Variants in IQCH observed in about 807,000 individuals in gnomAD.
IQCH encodes the protein IQ motif containing H, also known as IQ domain-containing protein H.
IQCH carries 98 observed loss-of-function variants against 117.0 expected under a neutral mutation model. The observed-to-expected ratio is 0.84, with a 90% confidence interval of 0.71 to 0.99. The LOEUF is 0.99. IQCH is among the 50% of genes least tolerant of loss of function. The probability of loss-of-function intolerance (pLI) is 0.00; values close to 1 mark genes in which losing one functional copy is unlikely to be tolerated. For synonymous variants in IQCH, 412 were observed against 448.2 expected (o/e 0.92, Z 1.02); for missense variants, 1,102 against 1,243.8 (o/e 0.89, Z 1.72).
In IQCH at chr15:67,254,875, G is replaced by A. The variant is rs939941137; in HGVS notation, c.-22G>A. The A allele has an allele frequency of 3.1e-6, 5 of 1,612,052 alleles. No homozygotes were observed. Among genetic ancestry groups the A allele is most frequent in the Non-Finnish European group, 3.4e-6 (4 of 1,178,904 alleles). ...GCTTGGAAACCGCGCCTCCGCGGAGGTAGCCGTTCCCTGACCTAGCCATGG... is the reference window on the plus strand; with the variant it reads ...GCTTGGAAACCGCGCCTCCGCGGAGATAGCCGTTCCCTGACCTAGCCATGG... On this transcript the variant is annotated 5_prime_UTR_variant, in exon 1 of 21. Transcript: ENST00000335894.
intron 6 of IQCH, among the ~76,000 whole-genome samples, chr15:67,352,516 A>T (rs1159410401): frequency 6.8e-6 from 1 of 146,696 alleles, no homozygotes; most frequent in Non-Finnish European, 1.5e-5. Context: ...AAACTCTTTC[A>T]ACTTTTATTT....
intron 10 of IQCH, 89 bp downstream of exon 10, chr15:67,373,522 T>C: frequency 1.1e-6 from 1 of 895,884 alleles, no homozygotes; most frequent in South Asian, 1.3e-5. Flanking sequence ...AGGCCCCTTG[T>C]TTTATTCAAA....
intron 6 of IQCH, among the ~76,000 whole-genome samples, chr15:67,349,317 G>A (rs1969545319): frequency 6.6e-6 from 1 of 152,078 alleles, no homozygotes; most frequent in South Asian, 2.1e-4. Flanking sequence ...TTAAGAAAAT[G>A]AAAAGAAAAG....
intron 10 of IQCH, among the ~76,000 whole-genome samples, chr15:67,379,185 T>G (rs1365960836): frequency 6.6e-6 from 1 of 152,196 alleles, no homozygotes; most frequent in African/African-American, 2.4e-5. Flanking sequence ...TTGCAATATG[T>G]TGTTTTGGTT....
In IQCH at chr15:67,490,139, C is replaced by T; in HGVS notation, c.2861+75C>T. 1.0e-6 allele frequency: 1 copy of T among 978,684 alleles called. No homozygotes were observed. Among genetic ancestry groups the T allele is most frequent in the Admixed American group, 1.9e-5 (1 of 51,756 alleles). The allele number at this position is 978,684 out of a possible 1,614,324, so 60.6% of individuals were successfully genotyped here. A position where few individuals can be genotyped will look rare whatever the true frequency, so the allele number is the denominator to read the frequency against. On this transcript the variant is annotated intron_variant, in intron 19 of 20. Coordinates refer to ENST00000335894, the MANE Select transcript of IQCH (RefSeq NM_001031715.3). The surrounding 1 kb of genome is among the most constrained non-coding windows in gnomAD (Gnocchi z 4.9). ...ATCACAACTAACAAGAATGATGCTTCTCATGCATTTTAATCAGCATGCTGA... is the reference window on the plus strand; with the variant it reads ...ATCACAACTAACAAGAATGATGCTTTTCATGCATTTTAATCAGCATGCTGA...
At position 67,417,025 on chromosome 15, in the gene IQCH, A is replaced by C; in HGVS notation, c.2192A>C (p.Lys731Thr). Residue 731 changes from lysine to threonine, a missense_variant, in exon 15 of 21, where the codon AAA becomes ACA. Coordinates refer to ENST00000335894, the MANE Select transcript of IQCH (RefSeq NM_001031715.3). The surrounding 1 kb of genome is among the most constrained non-coding windows in gnomAD (Gnocchi z 4.3). ...VNEKRFPTWR[K>T]FLQTFLSQGG... is the part of the protein sequence containing the mutation. ...GAGAAACGGTTCCCGACGTGGAGGAAATTCCTCCAAACATTTCTCAGTCAA... is the reference window on the plus strand; with the variant it reads ...GAGAAACGGTTCCCGACGTGGAGGACATTCCTCCAAACATTTCTCAGTCAA... 6.2e-7 allele frequency: 1 copy of C among 1,609,570 alleles called. No homozygotes were observed. The highest frequency in any genetic ancestry group is 8.5e-7 in the Non-Finnish European group (1 of 1,177,918).
In IQCH at chr15:67,390,050, C is replaced by T. The variant is rs1174324153; in HGVS notation, c.1632+1044C>T. On this transcript the variant is annotated intron_variant, in intron 12 of 20. Transcript: ENST00000335894. The surrounding 1 kb of genome is among the most constrained non-coding windows in gnomAD (Gnocchi z 5.0). The stretch of plus-strand genomic sequence containing the variant: ...CATAACTGGATGCCTCAGTATTCCC[C>T]TAAAAACCCTCTGCTCAGTTTTGTT... 6.6e-6 allele frequency among the ~76,000 whole-genome samples: 1 copy of T among 152,138 alleles called. No homozygotes were observed. Among genetic ancestry groups the T allele is most frequent in the Non-Finnish European group, 1.5e-5 (1 of 68,018 alleles).
In IQCH at chr15:67,496,152, A is replaced by C. The variant is rs1044421799; in HGVS notation, c.2970+1786A>C. ...GGCAACATGGTGAAACCCCATCTCTACAAAAATTACAAAAATTAGCCAGGT... is the reference window on the plus strand; with the variant it reads ...GGCAACATGGTGAAACCCCATCTCTCCAAAAATTACAAAAATTAGCCAGGT... On this transcript the variant is annotated intron_variant, in intron 20 of 20. Transcript: ENST00000335894. This position sits in a 1 kb window ranked among gnomAD's most constrained non-coding sequence, Gnocchi z 4.4. Among the ~76,000 whole-genome samples the C allele has an allele frequency of 1.3e-5, 2 of 152,116 alleles. No individual in the cohort carries two copies. The highest frequency in any genetic ancestry group is 2.9e-5 in the Non-Finnish European group (2 of 68,020).
At chr15:67,464,040 G>A (rs901559601) in intron 16 of IQCH, among the ~76,000 whole-genome samples, 2 of 152,008 alleles carry the variant, frequency 1.3e-5, no homozygotes, top group Admixed American at 1.3e-4. Flanking sequence ...ATGACATTTC[G>A]CCATGTTGGC....
rs1264790045 is a variant in IQCH at position 67,393,905 on chromosome 15, C to T, written c.1633-1386C>T. Among the ~76,000 whole-genome samples, 1 of 152,074 alleles carries T rather than the reference C, an allele frequency of 6.6e-6. No homozygotes were observed. The highest frequency in any genetic ancestry group is 2.4e-5 in the African/African-American group (1 of 41,400). ...GCTGTGTATTATACTAGGTATTTTA[C>T]ATTTGTGATCTTATTTTAAAAGCCT... On this transcript the variant is annotated intron_variant, in intron 12 of 20. Transcript: ENST00000335894. This position sits in a 1 kb window ranked among gnomAD's most constrained non-coding sequence, Gnocchi z 5.5.
At chr15:67,371,573 T>G (rs559995786) in intron 8 of IQCH, 3 of 1,223,058 alleles carry the variant, frequency 2.5e-6, no homozygotes, top group Non-Finnish European at 3.5e-6. Context: ...AAAAATGACC[T>G]CTGGATATTA....
At chr15:67,380,611 C>A (rs1430831281) in intron 10 of IQCH, among the ~76,000 whole-genome samples, 1 of 152,160 alleles carries the variant, frequency 6.6e-6, no homozygotes, top group South Asian at 2.1e-4. Flanking sequence ...GTGAGTATAT[C>A]ATGTGTCTTC....
intron 16 of IQCH, among the ~76,000 whole-genome samples, chr15:67,455,386 C>T (rs983944225): frequency 1.3e-5 from 2 of 152,156 alleles, no homozygotes; most frequent in East Asian, 1.9e-4. Flanking sequence ...CCTTGTGAGC[C>T]GCATGCCTGG....
At position 67,425,172 on chromosome 15, in the gene IQCH, C is replaced by T. The variant is rs1457677438; in HGVS notation, c.2505+3595C>T. Among the ~76,000 whole-genome samples the T allele has an allele frequency of 6.6e-6, 1 of 152,172 alleles. No homozygotes were observed. The highest frequency in any genetic ancestry group is 1.5e-5 in the Non-Finnish European group (1 of 68,032). ...TTGCCCCAGTTAAATTGGACTATAA[C>T]ACAAATGTTGATTTGCTGGAGCTCT... On this transcript the variant is annotated intron_variant, in intron 16 of 20. Transcript: ENST00000335894. The surrounding 1 kb of genome is among the most constrained non-coding windows in gnomAD (Gnocchi z 5.5).
At chr15:67,316,823 T>C (rs1967870529) in intron 4 of IQCH, among the ~76,000 whole-genome samples, 1 of 152,236 alleles carries the variant, frequency 6.6e-6, no homozygotes, top group African/African-American at 2.4e-5. Context: ...TAGCATTCTT[T>C]ATCCTTTTCT....
intron 3 of IQCH, among the ~76,000 whole-genome samples, chr15:67,265,046 G>A (rs1965614664): frequency 6.6e-6 from 1 of 152,166 alleles, no homozygotes; most frequent in African/African-American, 2.4e-5. Flanking sequence ...AAGGGGTGGG[G>A]AAAAGCAAAC....
intron 4 of IQCH, among the ~76,000 whole-genome samples, chr15:67,286,324 T>C (rs1206684788): frequency 6.6e-6 from 1 of 152,130 alleles, no homozygotes; most frequent in African/African-American, 2.4e-5. Flanking sequence ...GTTCTAATAG[T>C]TTTTTGGTGG....
chr15:67,259,671 T>A (rs1365381358), intron 1 of IQCH, among the ~76,000 whole-genome samples: 1 of 152,196 alleles, frequency 6.6e-6, no homozygotes, highest in African/African-American at 2.4e-5. Context: ...CTACAGATAC[T>A]AGAAGAGGGA....
intron 3 of IQCH, among the ~76,000 whole-genome samples, chr15:67,265,691 G>A (rs1432195872): frequency 1.3e-5 from 2 of 152,138 alleles, no homozygotes; most frequent in Non-Finnish European, 2.9e-5. Context: ...CCCAGAGATG[G>A]GAGACTATGG....
Sources: gnomAD v4.1 joint callset for allele counts (sites outside exome capture counted in the v4.1 genomes callset) on GRCh38, gnomAD v4.1.1 for gene constraint, Gnocchi (gnomAD v3.1) non-coding constraint, MANE v1.5 for transcripts, NCBI Gene and HGNC (gene_info 2026-07-23, HGNC 2026-07-21) for gene names.